Variants in INVS observed in about 807,000 individuals in gnomAD.
INVS encodes the protein inversion of embryo turning homolog.
INVS carries 86 observed loss-of-function variants against 108.8 expected under a neutral mutation model. That is an observed-to-expected ratio of 0.79 (90% CI 0.66 to 0.95). The LOEUF (loss-of-function observed/expected upper bound fraction) is 0.95, where lower values mean the gene tolerates loss of function less well. Ranked by LOEUF, INVS falls within the 40% of genes least tolerant of loss-of-function variation. The probability of loss-of-function intolerance (pLI) is 0.00; values close to 1 mark genes in which losing one functional copy is unlikely to be tolerated. For synonymous variants in INVS, 455 were observed against 473.5 expected (o/e 0.96, Z 0.51); for missense variants, 1,169 against 1,297.4 (o/e 0.90, Z 1.52).
chr9:100,296,891 C>T, intron 14 of INVS, 26 bp from the exon 15 acceptor site: 2 of 1,570,528 alleles, frequency 1.3e-6, no homozygotes, highest in Non-Finnish European at 1.8e-6. Context: ...GATCTTAAAG[C>T]CTCTCCTCTC....
chr9:100,122,800 G>A (rs1196425076), intron 2 of INVS, among the ~76,000 whole-genome samples: 1 of 151,596 alleles, frequency 6.6e-6, no homozygotes, highest in Non-Finnish European at 1.5e-5. Context: ...TAGCCAGGAT[G>A]GTCTCGATCT....
At position 100,167,341 on chromosome 9, in the gene INVS, T is replaced by G. The variant is rs79554976; in HGVS notation, c.273+40792T>G. Reference sequence around the variant, plus strand: ...TGTTTGTATGACCTTATTTCTAATCTTCCACATATTTCCTCCACATACACC... The same window carrying G: ...TGTTTGTATGACCTTATTTCTAATCGTCCACATATTTCCTCCACATACACC... On this transcript the variant is annotated intron_variant, in intron 3 of 16. Coordinates refer to ENST00000262457, the MANE Select transcript of INVS (RefSeq NM_014425.5). Among the ~76,000 whole-genome samples the G allele has an allele frequency of 1.2e-3, 183 of 152,344 alleles. 1 individual carries two copies. In the East Asian group the frequency reaches 0.034, roughly 28 times the overall value.
intron 3 of INVS, among the ~76,000 whole-genome samples, chr9:100,129,129 G>C (rs1827973257): frequency 6.6e-6 from 1 of 151,872 alleles, no homozygotes. Flanking sequence ...AGACCAGCCT[G>C]AACAACAAAG....
At chr9:100,248,097 T>C (rs1588119964) in intron 8 of INVS, among the ~76,000 whole-genome samples, 1 of 152,198 alleles carries the variant, frequency 6.6e-6, no homozygotes, top group African/African-American at 2.4e-5. Context: ...GGGTTACAGG[T>C]GTGAGCCACC....
chr9:100,134,590 A>G (rs113481255), intron 3 of INVS, among the ~76,000 whole-genome samples: 43 of 152,260 alleles, frequency 2.8e-4, no homozygotes, highest in African/African-American at 9.4e-4. Flanking sequence ...TGAACGCCCC[A>G]TCCATGCCAA....
Position 100,284,408 on chromosome 9 carries a change from T to G in INVS, c.1873T>G (p.Cys625Gly). The G allele has an allele frequency of 6.2e-7, 1 of 1,614,104 alleles. No homozygotes were observed. Among genetic ancestry groups the G allele is most frequent in the South Asian group, 1.1e-5 (1 of 91,090 alleles). Residue 625 changes from cysteine (C) to glycine (G), a missense_variant, in exon 13 of 17, where the codon TGT becomes GGT. Around this residue, in one of 3 missense-constraint regions of INVS, gnomAD observed 271 missense variants for 363.8 expected, o/e 0.74. Transcript: ENST00000262457. ...PDSCRPQALP[C>G]LPSTQDVPSR... ...TTCCTGCAGACCCCAGGCCCTTCCCTGTCTGCCTAGCACCCAGGATGTGCC... is the reference window on the plus strand; with the variant it reads ...TTCCTGCAGACCCCAGGCCCTTCCCGGTCTGCCTAGCACCCAGGATGTGCC...
Position 100,264,882 on chromosome 9 carries a change from C to T in INVS, c.1525C>T (p.Leu509=), listed in dbSNP as rs879932423. ...ATACCTTGATGCCATTAAATTACTG[C>T]TAGACTTTGCTGCTTTCCCTAATCA... ...NGYLDAIKLL[L]DFAAFPNQME... Residue 509 remains leucine, a synonymous_variant, in exon 11 of 17, where the codon CTA becomes TTA. Transcript: ENST00000262457. 1.2e-6 allele frequency: 2 copies of T among 1,613,252 alleles called. No homozygotes were observed. Among genetic ancestry groups the T allele is most frequent in the Non-Finnish European group, 1.7e-6 (2 of 1,179,724 alleles).
At chr9:100,211,189 G>C (rs1281728563) in intron 3 of INVS, among the ~76,000 whole-genome samples, 2 of 152,000 alleles carry the variant, frequency 1.3e-5, no homozygotes, top group Non-Finnish European at 2.9e-5. Flanking sequence ...AATACCAACT[G>C]TGAGAAACCA....
At chr9:100,151,131 C>T (rs1828794889) in intron 3 of INVS, among the ~76,000 whole-genome samples, 1 of 152,094 alleles carries the variant, frequency 6.6e-6, no homozygotes, top group South Asian at 2.1e-4. Flanking sequence ...GCAGAAGAAA[C>T]AGTCAGAACA....
At chr9:100,179,939 C>G (rs1046050773) in intron 3 of INVS, among the ~76,000 whole-genome samples, 1 of 152,170 alleles carries the variant, frequency 6.6e-6, no homozygotes, top group Admixed American at 6.5e-5. Context: ...TCGTAACAGT[C>G]TCTCAGACCA....
Position 100,293,032 on chromosome 9 carries a change from C to T in INVS, c.2775C>T (p.Arg925=), listed in dbSNP as rs146360442. ...KKNKAAAVIQ[R]AWRSYQLRKH... is the part of the protein sequence containing the mutation. The stretch of plus-strand genomic sequence containing the variant: ...ACAAGGCAGCAGCAGTCATCCAGCG[C>T]GCCTGGCGAAGGTAGGAAAATGGGG... The change falls in exon 14 of 17, where the codon CGC becomes CGT. Residue 925 remains arginine, a synonymous_variant. Transcript: ENST00000262457. The T allele has an allele frequency of 2.3e-4, 376 of 1,613,696 alleles. No individual in the cohort carries two copies. Among genetic ancestry groups the T allele is most frequent in the African/African-American group, 2.0e-3 (152 of 75,048 alleles).
rs553931267 is a variant in INVS, at chr9:100,283,791, G to A, written c.1785-529G>A. Among the ~76,000 whole-genome samples, 12 of 152,248 alleles carry A rather than the reference G, an allele frequency of 7.9e-5. No homozygotes were observed. The South Asian group carries it at 1.2e-3, about 16-fold the overall frequency. On this transcript the variant is annotated intron_variant, in intron 12 of 16. Transcript: ENST00000262457. Reference sequence around the variant, plus strand: ...TGACTCATTAGCTAGAGCTGTCAACGGCAGCATCTGCAACTCACAGGTGTG... The same window carrying A: ...TGACTCATTAGCTAGAGCTGTCAACAGCAGCATCTGCAACTCACAGGTGTG...
intron 5 of INVS, among the ~76,000 whole-genome samples, chr9:100,231,622 T>C (rs909632455): frequency 6.6e-6 from 1 of 151,846 alleles, no homozygotes; most frequent in African/African-American, 2.4e-5. Flanking sequence ...TCTGTTCTTG[T>C]GTTAATTTTC....
In INVS at chr9:100,284,591, A is replaced by G. The variant is rs150001738; in HGVS notation, c.2056A>G (p.Arg686Gly). ...VSSDLQGTNS[R>G]RPNETAREHS... ...CTCAGATTTGCAGGGAACAAACTCCAGAAGGCCAAATGGTAGGTGTATTGC... is the reference window on the plus strand; with the variant it reads ...CTCAGATTTGCAGGGAACAAACTCCGGAAGGCCAAATGGTAGGTGTATTGC... Residue 686 changes from arginine to glycine, a missense_variant, in exon 13 of 17, where the codon AGA (arginine) becomes GGA (glycine). Arg to Gly is a moderately radical substitution (Grantham distance 125, BLOSUM62 -2). Transcript: ENST00000262457. 5.1e-4 allele frequency: 824 copies of G among 1,613,478 alleles called. 1 individual carries two copies. Among genetic ancestry groups the G allele is most frequent in the Non-Finnish European group, 6.3e-4 (747 of 1,179,702 alleles).
At position 100,301,321 on chromosome 9, in the gene INVS, G is replaced by C. The variant is rs2118803798; in HGVS notation, c.*647G>C. ...CTTACATTTTACAGTTCCTACGTTA[G>C]CCTCTCAAGGCCACAAGTTGCCGCC... On this transcript the variant is annotated 3_prime_UTR_variant, in exon 17 of 17. Coordinates refer to ENST00000262457, the MANE Select transcript of INVS (RefSeq NM_014425.5). 6.6e-6 allele frequency among the ~76,000 whole-genome samples: 1 copy of C among 152,264 alleles called. No homozygotes were observed. Among genetic ancestry groups the C allele is most frequent in the Non-Finnish European group, 1.5e-5 (1 of 68,026 alleles).
chr9:100,115,758 T>G (rs1463464231), intron 2 of INVS, among the ~76,000 whole-genome samples: 1 of 152,206 alleles, frequency 6.6e-6, no homozygotes, highest in Admixed American at 6.5e-5. Flanking sequence ...TAAACATACA[T>G]TGTGCATGTG....
At chr9:100,166,322 A>G in intron 3 of INVS, among the ~76,000 whole-genome samples, 1 of 152,180 alleles carries the variant, frequency 6.6e-6, no homozygotes, top group Non-Finnish European at 1.5e-5. Flanking sequence ...CAGCCCTGGC[A>G]ACATAGGAAG....
chr9:100,229,633 T>C, intron 4 of INVS, 27 bp from the exon 5 acceptor site: 1 of 1,610,580 alleles, frequency 6.2e-7, no homozygotes, highest in Non-Finnish European at 8.5e-7. Context: ...TTACTGTTGT[T>C]ATTTCGAGAA....
At chr9:100,175,385 G>C in intron 3 of INVS, 1 of 810,896 alleles carries the variant, frequency 1.2e-6, no homozygotes, top group South Asian at 1.3e-5. Flanking sequence ...CTGCAGAGAA[G>C]AGCACCGCAA....
Sources: allele counts gnomAD v4.1 joint callset (sites outside exome capture counted in the v4.1 genomes callset), GRCh38; gene constraint gnomAD v4.1.1; regional missense constraint gnomAD v4.1.1; transcripts MANE v1.5; gene names NCBI Gene and HGNC (gene_info 2026-07-23, HGNC 2026-07-21).